Variants in CHST9 observed in about 807,000 individuals in gnomAD.
CHST9 encodes carbohydrate sulfotransferase 9, also known as GalNAc-4-sulfotransferase 2.
Under a neutral mutation model 44.4 loss-of-function variants are expected in CHST9, and 41 were observed. The observed-to-expected ratio is 0.92, with a 90% CI of 0.72 to 1.20. The LOEUF is 1.20. Ranked by LOEUF, CHST9 falls within the 50% of genes most tolerant of loss-of-function variation. CHST9 has a pLI of 0.00. For synonymous variants in CHST9, 171 were observed against 178.4 expected (o/e 0.96, Z 0.33); for missense variants, 504 against 516.5 (o/e 0.98, Z 0.23).
intron 5 of CHST9, among the ~76,000 whole-genome samples, chr18:26,924,174 C>T (rs1379060672): frequency 5.3e-5 from 8 of 151,946 alleles, no homozygotes; most frequent in Admixed American, 5.2e-4. Context: ...TTATGATTGT[C>T]CATCAGGAAT....
At chr18:27,127,155 A>G (rs1881102346) in intron 2 of CHST9, among the ~76,000 whole-genome samples, 1 of 152,206 alleles carries the variant, frequency 6.6e-6, no homozygotes, top group African/African-American at 2.4e-5. Context: ...ATGGCACTAC[A>G]GAGACTTGCA....
chr18:27,047,087 G>A (rs1013622225), intron 3 of CHST9, among the ~76,000 whole-genome samples: 1 of 152,022 alleles, frequency 6.6e-6, no homozygotes, highest in East Asian at 1.9e-4. Flanking sequence ...GGTAGGGAGT[G>A]GAGATGCCTG....
intron 4 of CHST9, among the ~76,000 whole-genome samples, chr18:27,020,839 T>A (rs958804583): frequency 1.3e-5 from 2 of 152,186 alleles, no homozygotes; most frequent in Non-Finnish European, 2.9e-5. Context: ...CAGCTCTCTC[T>A]TGGGGTCCCC....
At chr18:27,140,204 A>G (rs1460113094) in intron 2 of CHST9, among the ~76,000 whole-genome samples, 6 of 152,194 alleles carry the variant, frequency 3.9e-5, no homozygotes, top group Non-Finnish European at 7.3e-5. Context: ...CCTGGGTTCA[A>G]ATCCAGGCTT....
At position 26,910,605 on chromosome 18, in the gene CHST9, A is replaced by G. The variant is rs1389309438; in HGVS notation, c.*5654T>C. 1 of 152,248 alleles carries G rather than the reference A, an allele frequency of 6.6e-6. No individual in the cohort carries two copies. The highest frequency in any genetic ancestry group is 2.4e-5 in the African/African-American group (1 of 41,468). The allele number at this position is 152,248 out of a possible 1,614,324, so 9.4% of individuals were successfully genotyped here. A position where few individuals can be genotyped will look rare whatever the true frequency, so the allele number is the denominator to read the frequency against. ...GGTAACAAATCCCCTGTCATTAATGAGGCCCAATGTTGGCAGCTAATTCAG... is the reference window on the plus strand; with the variant it reads ...GGTAACAAATCCCCTGTCATTAATGGGGCCCAATGTTGGCAGCTAATTCAG... On this transcript the variant is annotated 3_prime_UTR_variant, in exon 6 of 6. Transcript: ENST00000618847.
At chr18:27,050,877 C>T (rs1238870079) in intron 2 of CHST9, among the ~76,000 whole-genome samples, 1 of 152,094 alleles carries the variant, frequency 6.6e-6, no homozygotes, top group Non-Finnish European at 1.5e-5. Context: ...AATATGTAAA[C>T]AAAAACAACT....
intron 1 of CHST9, among the ~76,000 whole-genome samples, chr18:27,157,466 G>A (rs955789939): frequency 1.2e-4 from 19 of 152,064 alleles, no homozygotes; most frequent in Non-Finnish European, 7.4e-5. Context: ...CTTATCTCTC[G>A]TTTCACATTC....
At position 26,921,772 on chromosome 18, in the gene CHST9, G is replaced by A. The variant is rs1350879470; in HGVS notation, c.241-4422C>T. Among the ~76,000 whole-genome samples, 14 of 152,144 alleles carry A rather than the reference G, an allele frequency of 9.2e-5. No homozygotes were observed. The South Asian group carries it at 1.9e-3, about 20-fold the overall frequency. ...ACACTTTATTCTGATTGTCCCTGAG[G>A]CAAACATGTATATAAAGCCAAAATT... On this transcript the variant is annotated intron_variant, in intron 5 of 5. Coordinates refer to ENST00000618847, the MANE Select transcript of CHST9 (RefSeq NM_031422.6).
chr18:27,046,871 G>C (rs2057507570), intron 3 of CHST9, among the ~76,000 whole-genome samples: 1 of 152,028 alleles, frequency 6.6e-6, no homozygotes, highest in Non-Finnish European at 1.5e-5. Flanking sequence ...CTACAGATCA[G>C]ATAGGGCAAA....
At chr18:27,015,358 T>TGTGTGTGC (rs1239746649) in intron 4 of CHST9, among the ~76,000 whole-genome samples, 4 of 149,628 alleles carry the variant, frequency 2.7e-5, no homozygotes, top group African/African-American at 9.9e-5. Context: ...TGTGTGTGTG[T>TGTGTGTGC]GCAGGCACTA....
intron 4 of CHST9, among the ~76,000 whole-genome samples, chr18:26,956,323 A>AT (rs1420212993): frequency 2.3e-4 from 31 of 136,982 alleles, no homozygotes; most frequent in Admixed American, 1.2e-3. Flanking sequence ...AAAAAAAAAA[A>AT]AAAATATATA....
At chr18:27,116,364 T>A (rs956352787) in intron 2 of CHST9, among the ~76,000 whole-genome samples, 1 of 152,154 alleles carries the variant, frequency 6.6e-6, no homozygotes, top group Non-Finnish European at 1.5e-5. Context: ...TATTATTTGT[T>A]AAAAATACTA....
chr18:27,171,406 A>G (rs1360369793), intron 1 of CHST9, among the ~76,000 whole-genome samples: 5 of 152,086 alleles, frequency 3.3e-5, no homozygotes, highest in Non-Finnish European at 7.4e-5. Flanking sequence ...AACTAAAATA[A>G]AGAGAGAGGA....
At chr18:27,000,029 G>C (rs982984367) in intron 4 of CHST9, among the ~76,000 whole-genome samples, 2 of 152,216 alleles carry the variant, frequency 1.3e-5, no homozygotes, top group African/African-American at 4.8e-5. Flanking sequence ...AAAGCAGCTT[G>C]ATGATGTGCA....
chr18:27,167,798 G>A (rs769036847), intron 1 of CHST9, among the ~76,000 whole-genome samples: 1 of 152,184 alleles, frequency 6.6e-6, no homozygotes, highest in Non-Finnish European at 1.5e-5. Context: ...GCGATCTGAA[G>A]TATGGGAAGG....
intron 2 of CHST9, among the ~76,000 whole-genome samples, chr18:27,129,706 A>T (rs948320734): frequency 1.3e-5 from 2 of 152,124 alleles, no homozygotes; most frequent in Non-Finnish European, 2.9e-5. Context: ...TTTATTCTTG[A>T]AAAGAATACC....
chr18:27,038,078 A>G (rs1434052310), intron 3 of CHST9, among the ~76,000 whole-genome samples: 1 of 152,164 alleles, frequency 6.6e-6, no homozygotes, highest in African/African-American at 2.4e-5. Flanking sequence ...GACTTCTGCT[A>G]TGGGGTTATA....
At position 26,916,124 on chromosome 18, in the gene CHST9, T is replaced by C. The variant is rs1338229012; in HGVS notation, c.*135A>G. ...TTGTGCCAATTGGTGTCATACTATT[T>C]GGTAAAAATCTACATTAAATCAAGA... On this transcript the variant is annotated 3_prime_UTR_variant, in exon 6 of 6. Coordinates refer to ENST00000618847, the MANE Select transcript of CHST9 (RefSeq NM_031422.6). The C allele has an allele frequency of 2.8e-6, 2 of 714,940 alleles. No individual in the cohort carries two copies. The highest frequency in any genetic ancestry group is 6.3e-5 in the Admixed American group (2 of 31,684). The allele number at this position is 714,940 out of a possible 1,614,324, so 44.3% of individuals were successfully genotyped here. A position where few individuals can be genotyped will look rare whatever the true frequency, so the allele number is the denominator to read the frequency against.
At chr18:27,042,152 G>A (rs956818650) in intron 3 of CHST9, among the ~76,000 whole-genome samples, 6 of 152,088 alleles carry the variant, frequency 3.9e-5, no homozygotes, top group Admixed American at 3.3e-4. Context: ...CTGGGCATAA[G>A]ATCTTAGGAA....
Sources: allele counts gnomAD v4.1 joint callset (sites outside exome capture counted in the v4.1 genomes callset), GRCh38; gene constraint gnomAD v4.1.1; transcripts MANE v1.5; gene names NCBI Gene and HGNC (gene_info 2026-07-23, HGNC 2026-07-21).